Variants in KIF26A observed in about 807,000 individuals in gnomAD.
KIF26A encodes kinesin family member 26A.
A neutral mutation model predicts 126.0 loss-of-function variants in KIF26A; 74 were observed. That is an observed-to-expected ratio of 0.59 (90% CI 0.49 to 0.71). The LOEUF (loss-of-function observed/expected upper bound fraction) is 0.71, where lower values mean the gene tolerates loss of function less well. Among genes scored for constraint, KIF26A ranks in the 30% least tolerant of loss-of-function variants. The pLI is 0.00. For missense variants in KIF26A, 2,984 were observed against 2,763.3 expected, an observed-to-expected ratio of 1.08 and a Z score of -1.79; for synonymous variants, 1,445 against 1,232.7, an observed-to-expected ratio of 1.17 and a Z score of -3.61.
Position 104,176,518 on chromosome 14 carries a change from C to T in KIF26A, c.3730C>T (p.Leu1244=), listed in dbSNP as rs1268654518. The change falls in exon 12 of 15, where the codon CTG becomes TTG. Residue 1244 remains leucine, a synonymous_variant. Transcript: ENST00000423312. ...TGGAGGCCTGTTTGAGGACCCATGG[C>T]TGCTCCGGGTAGGGGAGTGTGATAC... ...GRGGLFEDPW[L]LRVGECDTQA... is the part of the protein sequence containing the mutation. 1 of 1,604,928 alleles carries T rather than the reference C, an allele frequency of 6.2e-7. No homozygotes were observed. Among genetic ancestry groups the T allele is most frequent in the African/African-American group, 1.3e-5 (1 of 74,946 alleles).
At chr14:104,158,002 G>A (rs922062053) in intron 4 of KIF26A, 60 bp downstream of exon 4, 6 of 1,433,018 alleles carry the variant, frequency 4.2e-6, no homozygotes, top group Non-Finnish European at 5.5e-6. Context: ...CCGGCTGTGG[G>A]CCCCTGGGGA....
In KIF26A at chr14:104,168,965, C is replaced by T. The variant is rs181914490; in HGVS notation, c.1113+1917C>T. Among the ~76,000 whole-genome samples, 218 of 152,316 alleles carry T rather than the reference C, an allele frequency of 1.4e-3. 1 individual carries two copies. Among genetic ancestry groups the T allele is most frequent in the African/African-American group, 5.0e-3 (208 of 41,584 alleles). On this transcript the variant is annotated intron_variant, in intron 5 of 14. Transcript: ENST00000423312. ...TGGGGGTCTGCGGGGAACAAGGGGG[C>T]TCCTGATCTCTGTGCGTGTGCCCGG...
chr14:104,144,662 C>G (rs2037665739), intron 2 of KIF26A, among the ~76,000 whole-genome samples: 1 of 152,214 alleles, frequency 6.6e-6, no homozygotes, highest in South Asian at 2.1e-4. Flanking sequence ...AAATGTGCTG[C>G]TCAGCTCTGG....
At chr14:104,142,519 C>T (rs2141088020) in intron 2 of KIF26A, among the ~76,000 whole-genome samples, 1 of 152,282 alleles carries the variant, frequency 6.6e-6, no homozygotes, top group Non-Finnish European at 1.5e-5. Context: ...CATCCCAAGA[C>T]CCCCTGGCCT....
Position 104,176,385 on chromosome 14 carries a change from G to C in KIF26A, c.3597G>C (p.Trp1199Cys), listed in dbSNP as rs199773256. The C allele has an allele frequency of 9.8e-4, 1,562 of 1,586,978 alleles. 1 individual carries two copies. Among genetic ancestry groups the C allele is most frequent in the Non-Finnish European group, 1.3e-3 (1,477 of 1,163,720 alleles). Residue 1199 changes from tryptophan to cysteine, a missense_variant, in exon 12 of 15, where the codon TGG (tryptophan) becomes TGC (cysteine). Trp to Cys is a radical substitution (Grantham distance 215). Coordinates refer to ENST00000423312, the MANE Select transcript of KIF26A (RefSeq NM_015656.2). ...GREPQAGPSR[W>C]ASAAQTIHSS... is the part of the protein sequence containing the mutation. ...AGCCCCAGGCCGGGCCCTCGCGGTG[G>C]GCATCCGCAGCCCAGACCATCCACT...
At chr14:104,142,853 T>A (rs1171449289) in intron 2 of KIF26A, among the ~76,000 whole-genome samples, 1 of 152,134 alleles carries the variant, frequency 6.6e-6, no homozygotes, top group African/African-American at 2.4e-5. Context: ...ACCAGGCTTT[T>A]CCTCCCACAC....
Position 104,179,828 on chromosome 14 carries a change from G to A in KIF26A, c.*38G>A. ...GACAAGAGGAGGGGGCGTGCAGCGG[G>A]CTGGAGGACGGGACGTGGGACGGAG... On this transcript the variant is annotated 3_prime_UTR_variant, in exon 15 of 15. Transcript: ENST00000423312. 6.7e-7 allele frequency: 1 copy of A among 1,483,328 alleles called. No individual in the cohort carries two copies. The highest frequency in any genetic ancestry group is 9.0e-7 in the Non-Finnish European group (1 of 1,116,862). The allele number at this position is 1,483,328 out of a possible 1,614,324, so 91.9% of individuals were successfully genotyped here.
At chr14:104,171,453 G>A (rs964466357) in intron 5 of KIF26A, among the ~76,000 whole-genome samples, 2 of 152,092 alleles carry the variant, frequency 1.3e-5, no homozygotes, top group Non-Finnish European at 2.9e-5. Context: ...GGAGCCCGCC[G>A]CCCCCTCATT....
Position 104,179,627 on chromosome 14 carries a change from T to A in KIF26A, c.5486T>A (p.Leu1829Gln). ...WLEQFEVDPE[L>Q]EPESAEYLAA... ...TCCCCAGTTGAGGTGGACCCGGAGC[T>A]GGAGCCCGAGTCGGCCGAGTACCTG... Residue 1829 changes from leucine to glutamine, a missense_variant, in exon 15 of 15, where the codon CTG becomes CAG. By Grantham distance (113) the Leu-to-Gln change is moderately radical (BLOSUM62 -2). Coordinates refer to ENST00000423312, the MANE Select transcript of KIF26A (RefSeq NM_015656.2). 1 of 1,537,780 alleles carries A rather than the reference T, an allele frequency of 6.5e-7. No homozygotes were observed. The highest frequency in any genetic ancestry group is 8.8e-7 in the Non-Finnish European group (1 of 1,140,630).
intron 3 of KIF26A, among the ~76,000 whole-genome samples, chr14:104,156,319 G>C (rs1373434554): frequency 1.3e-5 from 2 of 152,224 alleles, no homozygotes; most frequent in Non-Finnish European, 2.9e-5. Context: ...GGGCTGGCCG[G>C]GCTGGGTTCA....
rs952487027 is a variant in KIF26A, at chr14:104,139,092, C to G, written c.92C>G (p.Ser31Cys). 5.5e-6 allele frequency: 8 copies of G among 1,454,998 alleles called. No individual in the cohort carries two copies. The highest frequency in any genetic ancestry group is 2.8e-5 in the Admixed American group (1 of 35,344). 90.1% of individuals were successfully genotyped at this position (1,454,998 alleles called of 1,614,324 possible). The stretch of plus-strand genomic sequence containing the variant: ...GAGCCGCCGCCGCTGCTGGAGGTGT[C>G]CCCCCGAAAGAGGCTACCCGCCGGG... ...AREPPPLLEV[S>C]PRKRLPAGPD... The change falls in exon 2 of 15, where the codon TCC (serine) becomes TGC (cysteine). Residue 31 changes from serine (S) to cysteine (C), a missense_variant. By Grantham distance (112) the Ser-to-Cys change is moderately radical (BLOSUM62 -1). Transcript: ENST00000423312.
chr14:104,157,067 C>T (rs1349533233), intron 3 of KIF26A, among the ~76,000 whole-genome samples: 1 of 152,134 alleles, frequency 6.6e-6, no homozygotes, highest in Non-Finnish European at 1.5e-5. Flanking sequence ...CCCCACGCCG[C>T]CCAGGACCAG....
chr14:104,157,689 G>T, intron 3 of KIF26A, 66 bp from the exon 4 acceptor site: 2 of 1,515,136 alleles, frequency 1.3e-6, no homozygotes, highest in East Asian at 2.5e-5. Flanking sequence ...CTCCCACTCC[G>T]GGTGCCAGGG....
chr14:104,179,599 C>T lies in KIF26A; in HGVS notation c.5468-10C>T, dbSNP rs2038078460. 1.3e-6 allele frequency: 2 copies of T among 1,512,876 alleles called. No homozygotes were observed. Among genetic ancestry groups the T allele is most frequent in the Non-Finnish European group, 1.8e-6 (2 of 1,127,364 alleles). 93.7% of individuals were successfully genotyped at this position (1,512,876 alleles called of 1,614,324 possible). ...ACGCAGGTGCCCCTCCCCTCTCCTC[C>T]CCTCCCCAGTTGAGGTGGACCCGGA... On this transcript the variant is annotated splice_polypyrimidine_tract_variant and intron_variant, in intron 14 of 14. Transcript: ENST00000423312.
chr14:104,142,807 C>T (rs887898662), intron 2 of KIF26A, among the ~76,000 whole-genome samples: 11 of 152,220 alleles, frequency 7.2e-5, no homozygotes, highest in African/African-American at 1.7e-4. Context: ...GCATGGGGTC[C>T]GGGTCACCTG....
Position 104,156,021 on chromosome 14 carries a change from G to A in KIF26A, c.736-1734G>A, listed in dbSNP as rs189025531. On this transcript the variant is annotated intron_variant, in intron 3 of 14. Transcript: ENST00000423312. ...CCCAGGATGCCAAATGTGGCCCCAC[G>A]GTGGTGCCATCGCGACGAGCCACCT... 2.1e-3 allele frequency among the ~76,000 whole-genome samples: 316 copies of A among 152,266 alleles called. 1 individual carries two copies. Among genetic ancestry groups the A allele is most frequent in the Middle Eastern group, 0.014 (4 of 294 alleles).
Position 104,173,489 on chromosome 14 carries a change from A to G in KIF26A, c.1843A>G (p.Met615Val), listed in dbSNP as rs746123090. 2.0e-5 allele frequency: 32 copies of G among 1,573,870 alleles called. No individual in the cohort carries two copies. Among genetic ancestry groups the G allele is most frequent in the Non-Finnish European group, 2.2e-5 (26 of 1,155,956 alleles). Residue 615 changes from methionine to valine, a missense_variant, in exon 9 of 15, where the codon ATG becomes GTG. Coordinates refer to ENST00000423312, the MANE Select transcript of KIF26A (RefSeq NM_015656.2). ...CACGCTGCACGTCTACCAGTACCGC[A>G]TGGAGAAGTGCGGCCGGGGAGGAAG... ...LFTLHVYQYR[M>V]EKCGRGGMSG...
Position 104,172,734 on chromosome 14 carries a change from G to T in KIF26A, c.1420+66G>T, listed in dbSNP as rs2037972239. 5 of 1,286,764 alleles carry T rather than the reference G, an allele frequency of 3.9e-6. No individual in the cohort carries two copies. In the East Asian group the frequency reaches 9.7e-5, roughly 25 times the overall value. The allele number at this position is 1,286,764 out of a possible 1,614,324, so 79.7% of individuals were successfully genotyped here. On this transcript the variant is annotated intron_variant, in intron 7 of 14. Transcript: ENST00000423312. ...ACCCCCTCCCATCCTCATCACGGTG[G>T]TTGCTGGCAGCTTCTGATGGGAAAG...
chr14:104,175,483 C>T lies in KIF26A; in HGVS notation c.2695C>T (p.Pro899Ser), dbSNP rs761864919. The T allele has an allele frequency of 6.9e-6, 11 of 1,593,244 alleles. No homozygotes were observed. In the South Asian group the frequency reaches 1.2e-4, roughly 18 times the overall value. Residue 899 changes from proline to serine, a missense_variant, in exon 12 of 15, where the codon CCT becomes TCT. Physicochemically the swap from Pro to Ser is moderately conservative, Grantham distance 74 (BLOSUM62 -1). Coordinates refer to ENST00000423312, the MANE Select transcript of KIF26A (RefSeq NM_015656.2). ...GGGCACCCCGATGGCTGCCAGCACC[C>T]CTCGAGGCAGTTCTGGTCCAGACAC... ...AVGTPMAAST[P>S]RGSSGPDTHQ...
Sources: gnomAD v4.1 joint callset for allele counts (sites outside exome capture counted in the v4.1 genomes callset) on GRCh38, gnomAD v4.1.1 for gene constraint, MANE v1.5 for transcripts, NCBI Gene and HGNC (gene_info 2026-07-23, HGNC 2026-07-21) for gene names.